Variants in DSCAML1 observed in about 807,000 individuals in gnomAD.
DSCAML1 encodes DS cell adhesion molecule like 1, also known as cell adhesion molecule DSCAML1.
A neutral mutation model predicts 200.5 loss-of-function variants in DSCAML1; 38 were observed. The observed-to-expected ratio is 0.19, with a 90% CI of 0.15 to 0.25. The LOEUF (loss-of-function observed/expected upper bound fraction) is 0.25. DSCAML1 is among the 10% of genes least tolerant of loss of function. The pLI, the probability that DSCAML1 is intolerant of heterozygous loss-of-function variation, is 1.00. For synonymous variants in DSCAML1, 1,215 were observed against 1,165.0 expected, an observed-to-expected ratio of 1.04 and a Z score of -0.87; for missense variants, 2,223 against 2,858.8, an observed-to-expected ratio of 0.78 and a Z score of 5.07.
In DSCAML1 at chr11:117,530,613, CAG is replaced by C. The variant is rs568339049; in HGVS notation, c.658+1761_658+1762del. On this transcript the variant is annotated intron_variant, in intron 4 of 32. Coordinates refer to ENST00000651296, the MANE Select transcript of DSCAML1 (RefSeq NM_020693.4). ...GGCACAGGGCCAGGCGCTGAAGACA[CAG>C]GGGTGAATCGGGAGCCGGGTTGTTG... 3.5e-4 allele frequency among the ~76,000 whole-genome samples: 54 copies of C among 152,330 alleles called. No individual in the cohort carries two copies. In the East Asian group the frequency reaches 9.6e-3, roughly 27 times the overall value.
At chr11:117,687,004 G>A (rs148693435) in intron 3 of DSCAML1, among the ~76,000 whole-genome samples, 2 of 152,174 alleles carry the variant, frequency 1.3e-5, no homozygotes, top group Non-Finnish European at 2.9e-5. Context: ...GAATTTGCTG[G>A]CTGTGGGTAG....
intron 3 of DSCAML1, among the ~76,000 whole-genome samples, chr11:117,596,352 T>C (rs1166300141): frequency 6.6e-6 from 1 of 151,182 alleles, no homozygotes; most frequent in Non-Finnish European, 1.5e-5. Flanking sequence ...GTTCAGAGCA[T>C]TTTCTGATCA....
chr11:117,591,485 G>A (rs756999778), intron 3 of DSCAML1, among the ~76,000 whole-genome samples: 1 of 152,204 alleles, frequency 6.6e-6, no homozygotes, highest in South Asian at 2.1e-4. Flanking sequence ...TGCATTTACT[G>A]TATTGTATCA....
chr11:117,510,739 C>T (rs764212413), intron 8 of DSCAML1, among the ~76,000 whole-genome samples: 17 of 152,162 alleles, frequency 1.1e-4, no homozygotes, highest in Non-Finnish European at 1.8e-4. Flanking sequence ...CTAGTGGAGG[C>T]ACAGTAGATG....
chr11:117,539,462 G>A (rs1382248215), intron 3 of DSCAML1, among the ~76,000 whole-genome samples: 3 of 151,888 alleles, frequency 2.0e-5, no homozygotes, highest in African/African-American at 7.3e-5. Context: ...ACAAAAACTA[G>A]CCGGGCCTGG....
intron 15 of DSCAML1, among the ~76,000 whole-genome samples, chr11:117,471,627 C>T (rs2048687408): frequency 6.6e-6 from 1 of 152,166 alleles, no homozygotes; most frequent in African/African-American, 2.4e-5. Flanking sequence ...ATGCTGGGGC[C>T]AGGGGAGTGG....
chr11:117,778,348 T>C (rs1239505793), intron 2 of DSCAML1, among the ~76,000 whole-genome samples: 2 of 151,934 alleles, frequency 1.3e-5, no homozygotes, highest in African/African-American at 2.4e-5. Context: ...GGCAAGGTGG[T>C]GGAGTGGAAA....
At chr11:117,585,164 C>G (rs1049546640) in intron 3 of DSCAML1, among the ~76,000 whole-genome samples, 3 of 152,168 alleles carry the variant, frequency 2.0e-5, no homozygotes, top group Non-Finnish European at 4.4e-5. Flanking sequence ...TTTTGATACT[C>G]AGCAAAATGG....
At chr11:117,492,224 A>G (rs2049195824) in intron 11 of DSCAML1, among the ~76,000 whole-genome samples, 1 of 152,136 alleles carries the variant, frequency 6.6e-6, no homozygotes, top group Non-Finnish European at 1.5e-5. Flanking sequence ...GGACAACCCC[A>G]GAGGCAACGG....
chr11:117,489,811 G>C lies in DSCAML1; in HGVS notation c.2360-7649C>G, dbSNP rs371072074. ...CTGCGGGGCATCCCCTGCATGGCACGTGTCCTCCGGCAGCGTCCTTGCCTC... is the reference window on the plus strand; with the variant it reads ...CTGCGGGGCATCCCCTGCATGGCACCTGTCCTCCGGCAGCGTCCTTGCCTC... On this transcript the variant is annotated intron_variant, in intron 11 of 32. Coordinates refer to ENST00000651296, the MANE Select transcript of DSCAML1 (RefSeq NM_020693.4). This position sits in a 1 kb window ranked among gnomAD's most constrained non-coding sequence, Gnocchi z 4.8. Among the ~76,000 whole-genome samples the C allele has an allele frequency of 6.6e-6, 1 of 152,200 alleles. No homozygotes were observed. Among genetic ancestry groups the C allele is most frequent in the East Asian group, 1.9e-4 (1 of 5,196 alleles).
At position 117,780,213 on chromosome 11, in the gene DSCAML1, GA is replaced by G. The variant is rs2055210683; in HGVS notation, c.364+279del. Among the ~76,000 whole-genome samples, 2 of 48,258 alleles carry G rather than the reference GA, an allele frequency of 4.1e-5. No homozygotes were observed. Among genetic ancestry groups the G allele is most frequent in the South Asian group, 6.3e-4 (1 of 1,578 alleles). The allele number at this position is 48,258 out of a possible 152,430, so 31.7% of individuals were successfully genotyped here. ...AAAGAAAGAAAGAGAAAGAAAGAGA[GA>G]GAGAGAAAGAAAGAAAGGAAAGAAA... On this transcript the variant is annotated intron_variant, in intron 2 of 32. Transcript: ENST00000651296. This position sits in a 1 kb window ranked among gnomAD's most constrained non-coding sequence, Gnocchi z 4.8.
intron 3 of DSCAML1, among the ~76,000 whole-genome samples, chr11:117,616,273 G>A (rs921043422): frequency 6.6e-6 from 1 of 152,214 alleles, no homozygotes; most frequent in African/African-American, 2.4e-5. Context: ...TTATGGGAGA[G>A]TCAGAGCTGG....
At chr11:117,470,078 C>T (rs1364835975) in intron 15 of DSCAML1, 98 bp from the exon 16 acceptor site, 4 of 1,153,022 alleles carry the variant, frequency 3.5e-6, no homozygotes, top group Non-Finnish European at 3.5e-6. Flanking sequence ...CTGGAGGGCT[C>T]CTGGGGAGAA....
At chr11:117,730,558 A>G (rs1222970301) in intron 3 of DSCAML1, among the ~76,000 whole-genome samples, 1 of 152,216 alleles carries the variant, frequency 6.6e-6, no homozygotes, top group Non-Finnish European at 1.5e-5. Flanking sequence ...AGATACCAAC[A>G]GGATTTGGAG....
chr11:117,746,267 A>G (rs75948491), intron 3 of DSCAML1, among the ~76,000 whole-genome samples: 3,846 of 150,128 alleles, frequency 0.026, 77 homozygotes, highest in Middle Eastern at 0.049. Context: ...ATAGTGCTAT[A>G]TAAGTGAATT....
chr11:117,748,132 G>A (rs747912301), intron 3 of DSCAML1, among the ~76,000 whole-genome samples: 55 of 152,144 alleles, frequency 3.6e-4, no homozygotes, highest in Non-Finnish European at 6.2e-4. Context: ...CAATATGGCG[G>A]CAATGATACC....
intron 3 of DSCAML1, among the ~76,000 whole-genome samples, chr11:117,607,162 C>T (rs754672500): frequency 1.3e-5 from 2 of 152,178 alleles, no homozygotes; most frequent in Non-Finnish European, 2.9e-5. Flanking sequence ...CGGCTATCCT[C>T]GACCCCAGCG....
At chr11:117,686,949 C>G (rs1244635486) in intron 3 of DSCAML1, among the ~76,000 whole-genome samples, 1 of 152,202 alleles carries the variant, frequency 6.6e-6, no homozygotes, top group Non-Finnish European at 1.5e-5. Flanking sequence ...GATTATGACA[C>G]ATTGAATGTC....
chr11:117,467,557 C>A (rs1182444459), intron 16 of DSCAML1, among the ~76,000 whole-genome samples: 1 of 152,062 alleles, frequency 6.6e-6, no homozygotes, highest in Non-Finnish European at 1.5e-5. Context: ...CATTTTTAAG[C>A]TCACTGTTAA....
Sources: allele counts gnomAD v4.1 joint callset (sites outside exome capture counted in the v4.1 genomes callset), GRCh38; gene constraint gnomAD v4.1.1; non-coding constraint Gnocchi (gnomAD v3.1); transcripts MANE v1.5; gene names NCBI Gene and HGNC (gene_info 2026-07-23, HGNC 2026-07-21).